Variants in RBPMS2 observed in about 807,000 individuals in gnomAD.
RBPMS2 encodes the protein RNA-binding protein with multiple splicing 2.
A neutral mutation model predicts 25.7 loss-of-function variants in RBPMS2; 14 were observed. The ratio of observed to expected loss-of-function variants is 0.55; its 90% CI spans 0.36 to 0.85. The LOEUF is 0.85. Ranked by LOEUF, RBPMS2 falls within the 40% of genes least tolerant of loss-of-function variation. The pLI, the probability that RBPMS2 is intolerant of heterozygous loss-of-function variation, is 0.01. For missense variants in RBPMS2, 252 were observed against 283.4 expected (o/e 0.89, Z 0.80); for synonymous variants, 127 against 115.6 (o/e 1.10, Z -0.63).
Position 64,749,160 on chromosome 15 carries a change from TAGAGAAAAGA to T in RBPMS2, c.268-20_268-11del, listed in dbSNP as rs1567064421. 1 of 1,613,536 alleles carries T rather than the reference TAGAGAAAAGA, an allele frequency of 6.2e-7. No individual in the cohort carries two copies. Among genetic ancestry groups the T allele is most frequent in the South Asian group, 1.1e-5 (1 of 91,034 alleles). ...GATCAAAGCGAATACCCTACATGGG[TAGAGAAAAGA>T]AGAGAAAGGCTTACTCCGGGGGACC... On this transcript the variant is annotated splice_polypyrimidine_tract_variant and intron_variant, in intron 4 of 7. Transcript: ENST00000300069.
At position 64,768,212 on chromosome 15, in the gene RBPMS2, A is replaced by T. The variant is rs370649412; in HGVS notation, c.87+7021T>A. On this transcript the variant is annotated intron_variant, in intron 1 of 7. Transcript: ENST00000300069. ...TAAGTAAGTGTGCCATTTGTAGAGA[A>T]TTTAAAATAAAACTGCTTGGGCGTG... 6.4e-4 allele frequency among the ~76,000 whole-genome samples: 98 copies of T among 152,324 alleles called. 1 individual carries two copies. In the South Asian group the frequency reaches 0.019, roughly 29 times the overall value.
At chr15:64,747,933 C>T (rs1284835208) in intron 6 of RBPMS2, among the ~76,000 whole-genome samples, 2 of 152,098 alleles carry the variant, frequency 1.3e-5, no homozygotes, top group African/African-American at 4.8e-5. Context: ...GTAGTCACTT[C>T]GTCTTGACAT....
At chr15:64,766,029 C>T (rs1595794880) in intron 1 of RBPMS2, among the ~76,000 whole-genome samples, 1 of 151,788 alleles carries the variant, frequency 6.6e-6, no homozygotes, top group East Asian at 1.9e-4. Context: ...TGCCAGTATC[C>T]TCTCCTAACT....
chr15:64,775,329 G>T lies in RBPMS2; in HGVS notation c.-10C>A. 1 of 1,286,218 alleles carries T rather than the reference G, an allele frequency of 7.8e-7. No homozygotes were observed. The highest frequency in any genetic ancestry group is 3.4e-5 in the East Asian group (1 of 29,788). The allele number at this position is 1,286,218 out of a possible 1,614,324, so 79.7% of individuals were successfully genotyped here. The stretch of plus-strand genomic sequence containing the variant: ...GCTTCAGGTTGCTCATGGTGCGGGG[G>T]AGGGGGCGGCGGGAAGGAACGCGAG... On this transcript the variant is annotated 5_prime_UTR_variant, in exon 1 of 8. Transcript: ENST00000300069.
intron 1 of RBPMS2, among the ~76,000 whole-genome samples, chr15:64,770,771 C>G (rs1028766280): frequency 6.6e-6 from 1 of 152,018 alleles, no homozygotes; most frequent in Non-Finnish European, 1.5e-5. Flanking sequence ...GTGCCTTATC[C>G]CCCACCTCCC....
At chr15:64,753,367 C>T (rs927436957) in intron 1 of RBPMS2, among the ~76,000 whole-genome samples, 40 of 152,174 alleles carry the variant, frequency 2.6e-4, no homozygotes, top group Non-Finnish European at 4.4e-5. Context: ...AGTGATGGCC[C>T]GCTGACCCCA....
rs2083639298 is a variant in RBPMS2 at position 64,748,434 on chromosome 15, G to GGCGGCA, written c.546_551dup (p.Ala184_Ala185dup). On this transcript the variant is annotated inframe_insertion, in exon 6 of 8. Transcript: ENST00000300069. ...AAGGGCTTACCTGAGCGTGGAGGGC[G>GGCGGCA]GCGGCAGCGGCAGTGGCAGTTGGGT... The GGCGGCA allele has an allele frequency of 1.2e-6, 2 of 1,614,018 alleles. No individual in the cohort carries two copies. Among genetic ancestry groups the GGCGGCA allele is most frequent in the Non-Finnish European group, 1.7e-6 (2 of 1,180,000 alleles).
chr15:64,749,214 G>A (rs2083650871), intron 4 of RBPMS2, 64 bp from the exon 5 acceptor site: 1 of 1,575,526 alleles, frequency 6.3e-7, no homozygotes, highest in South Asian at 1.1e-5. Flanking sequence ...TAATGGCAGA[G>A]AGTAGAGAAG....
At chr15:64,763,663 AT>A (rs1231932558) in intron 1 of RBPMS2, among the ~76,000 whole-genome samples, 1 of 152,180 alleles carries the variant, frequency 6.6e-6, no homozygotes, top group Non-Finnish European at 1.5e-5. Context: ...TGGGGTCCCC[AT>A]TTTACAGATG....
intron 6 of RBPMS2, among the ~76,000 whole-genome samples, chr15:64,743,577 C>G (rs1320323525): frequency 5.3e-5 from 8 of 152,190 alleles, no homozygotes; most frequent in Non-Finnish European, 1.2e-4. Flanking sequence ...AGGAGACCCC[C>G]AGGGGGCCAG....
At chr15:64,770,390 A>C (rs1412516368) in intron 1 of RBPMS2, among the ~76,000 whole-genome samples, 2 of 152,238 alleles carry the variant, frequency 1.3e-5, no homozygotes, top group Non-Finnish European at 2.9e-5. Context: ...TGGTGATAAT[A>C]ATGTAAGTAC....
At chr15:64,772,644 C>A (rs950029059) in intron 1 of RBPMS2, among the ~76,000 whole-genome samples, 5 of 152,180 alleles carry the variant, frequency 3.3e-5, no homozygotes, top group African/African-American at 7.2e-5. Flanking sequence ...ATACATGCGA[C>A]TCCCTCCTCT....
In RBPMS2 at chr15:64,754,470, G is replaced by A. The variant is rs148702125; in HGVS notation, c.88-2832C>T. 4.6e-3 allele frequency among the ~76,000 whole-genome samples: 707 copies of A among 152,098 alleles called. 6 individuals are homozygous for A. The highest frequency in any genetic ancestry group is 0.016 in the African/African-American group (684 of 41,488). The stretch of plus-strand genomic sequence containing the variant: ...CTACTAAAAAATACAAAATTAGCTG[G>A]GTGTGGTGGCGCATGCCTATAATCC... On this transcript the variant is annotated intron_variant, in intron 1 of 7. Transcript: ENST00000300069.
At chr15:64,749,562 CAA>C (rs899019639) in intron 3 of RBPMS2, 69 bp from the exon 4 acceptor site, 23 of 1,332,038 alleles carry the variant, frequency 1.7e-5, no homozygotes, top group Middle Eastern at 1.8e-4. Context: ...AAAATAACAA[CAA>C]AAAAAGAGTA....
At chr15:64,772,080 T>G (rs1162637541) in intron 1 of RBPMS2, among the ~76,000 whole-genome samples, 2 of 152,240 alleles carry the variant, frequency 1.3e-5, no homozygotes, top group Non-Finnish European at 2.9e-5. Flanking sequence ...ATTTGTATTA[T>G]TTTTTATTAT....
intron 1 of RBPMS2, among the ~76,000 whole-genome samples, chr15:64,756,914 C>T (rs2083736740): frequency 6.6e-6 from 1 of 150,884 alleles, no homozygotes; most frequent in Non-Finnish European, 1.5e-5. Context: ...GTGATCCGCC[C>T]GCCTTGGCCT....
At chr15:64,773,659 G>C (rs549806900) in intron 1 of RBPMS2, among the ~76,000 whole-genome samples, 2 of 152,270 alleles carry the variant, frequency 1.3e-5, no homozygotes, top group Non-Finnish European at 2.9e-5. Context: ...CCAGCCTCTT[G>C]GGCAGTGTGA....
rs753180915 is a variant in RBPMS2, at chr15:64,748,468, G to A, written c.518C>T (p.Ala173Val). The A allele has an allele frequency of 2.7e-5, 44 of 1,613,988 alleles. No individual in the cohort carries two copies. The highest frequency in any genetic ancestry group is 4.4e-5 in the South Asian group (4 of 91,080). The stretch of plus-strand genomic sequence containing the variant: ...GGCAGTGGCAGTTGGGTAGGTGAAC[G>A]CAGCATGGGAGATGGCTGGGGTCAG... Reference protein sequence around the residue: ...TELTPAISHAAFTYPTATAAA... With the variant: ...TELTPAISHAVFTYPTATAAA... Residue 173 changes from alanine (A) to valine (V), a missense_variant, in exon 6 of 8, where the codon GCG becomes GTG. Ala to Val is a moderately conservative substitution (Grantham distance 64). Coordinates refer to ENST00000300069, the MANE Select transcript of RBPMS2 (RefSeq NM_194272.3).
intron 4 of RBPMS2, 36 bp from the exon 5 acceptor site, chr15:64,749,186 C>T (rs778645246): frequency 9.9e-6 from 16 of 1,612,178 alleles, no homozygotes; most frequent in Non-Finnish European, 1.3e-5. Flanking sequence ...AAGGCTTACT[C>T]CGGGGGACCC....
Sources: allele counts gnomAD v4.1 joint callset (sites outside exome capture counted in the v4.1 genomes callset), GRCh38; gene constraint gnomAD v4.1.1; transcripts MANE v1.5; gene names NCBI Gene and HGNC (gene_info 2026-07-23, HGNC 2026-07-21).